The following NPSR1 variants were observed in gnomAD, a reference collection of about 807,000 sequenced individuals.
NPSR1 encodes neuropeptide S receptor 1, also known as neuropeptide S receptor.
In NPSR1, 48 loss-of-function variants were observed where a neutral mutation model predicts 46.9. The ratio of observed to expected loss-of-function variants is 1.02; its 90% CI spans 0.81 to 1.30. The LOEUF (loss-of-function observed/expected upper bound fraction) is 1.30, where lower values mean the gene tolerates loss of function less well. Ranked by LOEUF, NPSR1 falls within the 50% of genes most tolerant of loss-of-function variation. The pLI, the probability that NPSR1 is intolerant of heterozygous loss-of-function variation, is 0.00. For synonymous variants in NPSR1, 176 were observed against 168.1 expected (o/e 1.05, Z -0.36); for missense variants, 450 against 449.5 (o/e 1.00, Z -0.01).
At chr7:34,866,456 A>G (rs1791317553) in intron 8 of NPSR1, among the ~76,000 whole-genome samples, 1 of 151,688 alleles carries the variant, frequency 6.6e-6, no homozygotes, top group Non-Finnish European at 1.5e-5. Flanking sequence ...GAAACTATTC[A>G]CAGAGATATC....
At chr7:34,748,382 G>A (rs1785323693) in intron 2 of NPSR1, among the ~76,000 whole-genome samples, 1 of 152,216 alleles carries the variant, frequency 6.6e-6, no homozygotes, top group South Asian at 2.1e-4. Flanking sequence ...CCATGCCACA[G>A]TCACCAGCAC....
intron 6 of NPSR1, among the ~76,000 whole-genome samples, chr7:34,836,173 T>A (rs113975915): frequency 6.6e-6 from 1 of 152,098 alleles, no homozygotes; most frequent in Non-Finnish European, 1.5e-5. Context: ...CACACCCTGG[T>A]TTTTCTGGAA....
At chr7:34,791,359 G>T (rs542852318) in intron 3 of NPSR1, among the ~76,000 whole-genome samples, 1 of 146,098 alleles carries the variant, frequency 6.8e-6, no homozygotes, top group Non-Finnish European at 1.5e-5. Flanking sequence ...ACTAACAAAT[G>T]AATTTACTAT....
intron 2 of NPSR1, among the ~76,000 whole-genome samples, chr7:34,756,795 C>T (rs1418898102): frequency 1.2e-4 from 19 of 152,134 alleles, no homozygotes; most frequent in Admixed American, 1.2e-3. Flanking sequence ...CTGTGGCTTT[C>T]GACATATTAC....
chr7:34,675,784 G>A (rs574558370), intron 1 of NPSR1, among the ~76,000 whole-genome samples: 2 of 152,364 alleles, frequency 1.3e-5, no homozygotes, highest in African/African-American at 2.4e-5. Flanking sequence ...ATGTCACTGT[G>A]TAGCCTGACT....
At chr7:34,790,519 A>G (rs1562728844) in intron 3 of NPSR1, among the ~76,000 whole-genome samples, 1 of 151,652 alleles carries the variant, frequency 6.6e-6, no homozygotes, top group East Asian at 1.9e-4. Flanking sequence ...AGTTCTAGCC[A>G]AAGAAGTAAG....
At chr7:34,670,318 C>T (rs1468514113) in intron 1 of NPSR1, among the ~76,000 whole-genome samples, 1 of 151,838 alleles carries the variant, frequency 6.6e-6, no homozygotes, top group Non-Finnish European at 1.5e-5. Context: ...AGTCCTGGTA[C>T]ATATATGAAC....
intron 2 of NPSR1, chr7:34,718,894 A>G (rs185828162): frequency 3.3e-5 from 5 of 152,366 alleles, no homozygotes; most frequent in Admixed American, 1.3e-4. Context: ...ATTCAAACAT[A>G]TAACATAGAA....
intron 3 of NPSR1, among the ~76,000 whole-genome samples, chr7:34,809,752 T>G (rs1788893858): frequency 6.6e-6 from 1 of 152,080 alleles, no homozygotes; most frequent in South Asian, 2.1e-4. Context: ...TCATATTCAT[T>G]AGTTATTTTT....
At chr7:34,675,720 G>T (rs1736419668) in intron 1 of NPSR1, among the ~76,000 whole-genome samples, 1 of 152,144 alleles carries the variant, frequency 6.6e-6, no homozygotes, top group Non-Finnish European at 1.5e-5. Flanking sequence ...AAGGAACCCT[G>T]CAATTCATCT....
chr7:34,752,901 T>G (rs1246964568), intron 2 of NPSR1, among the ~76,000 whole-genome samples: 1 of 152,176 alleles, frequency 6.6e-6, no homozygotes, highest in Non-Finnish European at 1.5e-5. Context: ...GTCCGCTTGC[T>G]TCCTTCCCAG....
intron 7 of NPSR1, among the ~76,000 whole-genome samples, chr7:34,845,401 A>G (rs1250927403): frequency 1.3e-5 from 2 of 152,070 alleles, no homozygotes; most frequent in Non-Finnish European, 2.9e-5. Context: ...TTTCCCCCTT[A>G]TGGCACCTTA....
chr7:34,777,588 T>G (rs1787025984), intron 2 of NPSR1, among the ~76,000 whole-genome samples: 1 of 152,122 alleles, frequency 6.6e-6, no homozygotes, highest in Non-Finnish European at 1.5e-5. Flanking sequence ...AAAGCTACTT[T>G]TTTTGTGTGT....
intron 3 of NPSR1, among the ~76,000 whole-genome samples, chr7:34,792,022 T>G (rs1787904198): frequency 6.6e-6 from 1 of 151,840 alleles, no homozygotes. Flanking sequence ...ATGAGAAGAG[T>G]GCAATTTAAC....
At chr7:34,681,818 TGAGA>T (rs34981870) in intron 1 of NPSR1, among the ~76,000 whole-genome samples, 4 of 149,848 alleles carry the variant, frequency 2.7e-5, no homozygotes, top group Admixed American at 6.7e-5. Context: ...CTTTCAAAGC[TGAGA>T]GAGAGAGAGA....
intron 3 of NPSR1, among the ~76,000 whole-genome samples, chr7:34,792,669 A>ATATATG (rs1787957194): frequency 8.2e-6 from 1 of 122,060 alleles, no homozygotes; most frequent in African/African-American, 3.1e-5. Flanking sequence ...ATATATTTAT[A>ATATATG]TATATGTATA....
chr7:34,680,195 G>A (rs1041937365), intron 1 of NPSR1, among the ~76,000 whole-genome samples: 9 of 151,848 alleles, frequency 5.9e-5, no homozygotes, highest in African/African-American at 2.2e-4. Flanking sequence ...TTTGAAAGTC[G>A]GAAAGAAAAT....
rs562579426 is a variant in NPSR1, at chr7:34,701,829, CCA to C, written c.280+17148_280+17149del. Among the ~76,000 whole-genome samples, 174 of 152,184 alleles carry C rather than the reference CCA, an allele frequency of 1.1e-3. 1 individual carries two copies. The highest frequency in any genetic ancestry group is 3.4e-3 in the Middle Eastern group (1 of 294). On this transcript the variant is annotated intron_variant, in intron 2 of 8. Coordinates refer to ENST00000360581, the MANE Select transcript of NPSR1 (RefSeq NM_207172.2). ...TTAAATGATGTTTTTTCACCATGAC[CCA>C]CATCTTGAAAACACCTTCCTAATTA...
At chr7:34,877,018 C>T (rs1489306404) in intron 8 of NPSR1, among the ~76,000 whole-genome samples, 2 of 152,298 alleles carry the variant, frequency 1.3e-5, no homozygotes, top group South Asian at 2.1e-4. Flanking sequence ...GGGCCTGCCC[C>T]CCACTCCTGG....
Sources: allele counts gnomAD v4.1 joint callset (sites outside exome capture counted in the v4.1 genomes callset), GRCh38; gene constraint gnomAD v4.1.1; transcripts MANE v1.5; gene names NCBI Gene and HGNC (gene_info 2026-07-23, HGNC 2026-07-21).